USP6: variants seen among roughly 807,000 people sequenced by gnomAD.
USP6 encodes ubiquitin specific peptidase 6, also known as ubiquitin carboxyl-terminal hydrolase 6.
In USP6, 128 loss-of-function variants were observed where a neutral mutation model predicts 175.7. The observed-to-expected ratio is 0.73, with a 90% CI of 0.63 to 0.84. The LOEUF (loss-of-function observed/expected upper bound fraction) is 0.84, where lower values mean the gene tolerates loss of function less well. Ranked by LOEUF, USP6 falls within the 40% of genes least tolerant of loss-of-function variation. The pLI is 0.00. For synonymous variants in USP6, 562 were observed against 630.6 expected (o/e 0.89, Z 1.63); for missense variants, 1,498 against 1,760.3 (o/e 0.85, Z 2.67).
At position 5,173,130 on chromosome 17, in the gene USP6, G is replaced by C; in HGVS notation, c.*152G>C. The C allele has an allele frequency of 9.9e-7, 1 of 1,014,018 alleles. No individual in the cohort carries two copies. 62.8% of individuals were successfully genotyped at this position (1,014,018 alleles called of 1,614,324 possible). A position where few individuals can be genotyped will look rare whatever the true frequency, so the allele number is the denominator to read the frequency against. On this transcript the variant is annotated 3_prime_UTR_variant, in exon 38 of 38. Coordinates refer to ENST00000574788, the MANE Select transcript of USP6 (RefSeq NM_001304284.2). ...CTAATTAAAATAGTTAACTTGAAGA[G>C]TAGAAACAATTGTATTTTGAAGTCT...
chr17:5,163,769 G>A (rs2074050204), intron 33 of USP6, among the ~76,000 whole-genome samples: 1 of 152,172 alleles, frequency 6.6e-6, no homozygotes, highest in South Asian at 2.1e-4. Context: ...CTTAGTTCAA[G>A]TGTGTCCCAG....
At position 5,137,757 on chromosome 17, in the gene USP6, C is replaced by T. The variant is rs1046881348; in HGVS notation, c.925+7C>T. 1.2e-6 allele frequency: 2 copies of T among 1,607,416 alleles called. No homozygotes were observed. Among genetic ancestry groups the T allele is most frequent in the Non-Finnish European group, 8.5e-7 (1 of 1,176,032 alleles). On this transcript the variant is annotated splice_region_variant and intron_variant, in intron 20 of 37. Transcript: ENST00000574788. ...GCTCTTAAGGTTCAGCAGAGTAAGTCTACGTGTGCCCAGTGGGGCCTGGGG... is the reference window on the plus strand; with the variant it reads ...GCTCTTAAGGTTCAGCAGAGTAAGTTTACGTGTGCCCAGTGGGGCCTGGGG...
intron 31 of USP6, among the ~76,000 whole-genome samples, chr17:5,156,023 C>T (rs894805203): frequency 2.0e-5 from 3 of 152,142 alleles, no homozygotes; most frequent in African/African-American, 4.8e-5. Context: ...AGAATGAGAG[C>T]GACTGCATAC....
intron 13 of USP6, 87 bp downstream of exon 13, chr17:5,133,077 C>T (rs2073128900): frequency 2.3e-5 from 34 of 1,488,360 alleles, no homozygotes; most frequent in East Asian, 4.5e-5. Flanking sequence ...CACCGTCAGC[C>T]TCTCAGAGGG....
At chr17:5,145,787 T>C (rs2073590883) in intron 27 of USP6, among the ~76,000 whole-genome samples, 1 of 152,148 alleles carries the variant, frequency 6.6e-6, no homozygotes, top group Non-Finnish European at 1.5e-5. Flanking sequence ...CCAGCAACTC[T>C]CTTTAAAACC....
chr17:5,133,639 TG>T (rs992291107), intron 14 of USP6, 89 bp downstream of exon 14: 38 of 411,952 alleles, frequency 9.2e-5, no homozygotes, highest in Middle Eastern at 7.3e-4. Flanking sequence ...CACCCTGGGG[TG>T]GGGGGGTGGG....
At chr17:5,134,775 A>T (rs112799565) in intron 15 of USP6, 1 of 227,830 alleles carries the variant, frequency 4.4e-6, no homozygotes, top group Non-Finnish European at 8.7e-6. Context: ...TTCCTAGGCC[A>T]TTCTGGAAAA....
intron 30 of USP6, among the ~76,000 whole-genome samples, chr17:5,153,018 A>G (rs548403839): frequency 1.6e-3 from 243 of 152,342 alleles, no homozygotes; most frequent in Non-Finnish European, 2.7e-3. Flanking sequence ...AAAAAAATGA[A>G]TTAAGTAATT....
intron 15 of USP6, chr17:5,134,875 T>G: frequency 5.9e-6 from 2 of 336,954 alleles, no homozygotes; most frequent in Non-Finnish European, 1.1e-5. Flanking sequence ...ACCCTGGAGA[T>G]TTGGAAGATG....
intron 7 of USP6, among the ~76,000 whole-genome samples, chr17:5,128,108 A>C (rs1390449259): frequency 6.6e-6 from 1 of 152,208 alleles, no homozygotes; most frequent in Non-Finnish European, 1.5e-5. Flanking sequence ...TTTGGATGGC[A>C]CAGGCAGACT....
intron 16 of USP6, 106 bp downstream of exon 16, chr17:5,135,388 C>T (rs1376286552): frequency 7.0e-7 from 1 of 1,421,746 alleles, no homozygotes; most frequent in East Asian, 2.3e-5. Flanking sequence ...ATTTGTGACT[C>T]ACCAGGATAT....
rs1445482482 is a variant in USP6, at chr17:5,174,508, A to C, written c.*1530A>C. On this transcript the variant is annotated 3_prime_UTR_variant, in exon 38 of 38. Coordinates refer to ENST00000574788, the MANE Select transcript of USP6 (RefSeq NM_001304284.2). The stretch of plus-strand genomic sequence containing the variant: ...TGAAATCCTTTTCAGAAAAAATATA[A>C]TTGCAAGTAGGTAGGAGTGGCCTAA... 1.0e-5 allele frequency: 2 copies of C among 192,156 alleles called. No individual in the cohort carries two copies. The highest frequency in any genetic ancestry group is 4.6e-5 in the African/African-American group (2 of 43,210). The allele number at this position is 192,156 out of a possible 1,614,324, so 11.9% of individuals were successfully genotyped here.
intron 30 of USP6, among the ~76,000 whole-genome samples, chr17:5,148,982 A>T (rs2073689096): frequency 6.6e-6 from 1 of 152,198 alleles, no homozygotes; most frequent in South Asian, 2.1e-4. Context: ...TATATATGCT[A>T]ATATAAGTGA....
chr17:5,146,993 T>A, intron 28 of USP6, 90 bp from the exon 29 acceptor site: 1 of 1,316,016 alleles, frequency 7.6e-7, no homozygotes, highest in South Asian at 1.4e-5. Context: ...TGAAAGGACC[T>A]AAGACATTCT....
chr17:5,143,361 T>A (rs2073510085), intron 25 of USP6, among the ~76,000 whole-genome samples: 2 of 152,262 alleles, frequency 1.3e-5, no homozygotes, highest in African/African-American at 4.8e-5. Flanking sequence ...TTGCTGTGTC[T>A]GCGTAGAAAG....
At chr17:5,157,231 G>A (rs2144089732) in intron 31 of USP6, among the ~76,000 whole-genome samples, 1 of 152,002 alleles carries the variant, frequency 6.6e-6, no homozygotes, top group South Asian at 2.1e-4. Flanking sequence ...GATTACAGGT[G>A]CCTGCCACCA....
intron 37 of USP6, among the ~76,000 whole-genome samples, chr17:5,172,190 AAGT>A (rs2074236509): frequency 6.6e-6 from 1 of 151,066 alleles, no homozygotes; most frequent in Non-Finnish European, 1.5e-5. Flanking sequence ...AAAAAAAAAA[AAGT>A]AGTTAGTTAA....
chr17:5,170,025 T>C (rs2074178981), intron 35 of USP6, among the ~76,000 whole-genome samples: 1 of 152,218 alleles, frequency 6.6e-6, no homozygotes, highest in South Asian at 2.1e-4. Flanking sequence ...GTTTAAAGCC[T>C]TGCAGGATTT....
intron 30 of USP6, 40 bp downstream of exon 30, chr17:5,148,807 G>C (rs564134389): frequency 1.3e-6 from 2 of 1,595,980 alleles, no homozygotes; most frequent in Non-Finnish European, 1.7e-6. Flanking sequence ...AGTCTTGCTA[G>C]TGTCATTTGT....
Sources: gnomAD v4.1 joint callset for allele counts (sites outside exome capture counted in the v4.1 genomes callset) on GRCh38, gnomAD v4.1.1 for gene constraint, MANE v1.5 for transcripts, NCBI Gene and HGNC (gene_info 2026-07-23, HGNC 2026-07-21) for gene names.